Variants in PCCA observed in about 807,000 individuals in gnomAD.
The protein encoded by PCCA is propionyl-CoA carboxylase subunit alpha.
A neutral mutation model predicts 101.3 loss-of-function variants in PCCA; 74 were observed. The observed-to-expected ratio is 0.73, with a 90% CI of 0.61 to 0.89. The LOEUF (loss-of-function observed/expected upper bound fraction) is 0.89. PCCA is among the 40% of genes least tolerant of loss of function. PCCA has a pLI of 0.00. For missense variants in PCCA, 891 were observed against 907.0 expected (o/e 0.98, Z 0.23); for synonymous variants, 294 against 313.6 (o/e 0.94, Z 0.66).
chr13:100,517,157 G>A (rs926396722), intron 22 of PCCA, among the ~76,000 whole-genome samples: 6 of 151,892 alleles, frequency 4.0e-5, no homozygotes, highest in Admixed American at 1.3e-4. Context: ...GAGGGAGGGC[G>A]GGCAGGGATG....
intron 19 of PCCA, among the ~76,000 whole-genome samples, chr13:100,408,648 G>T (rs1414403348): frequency 6.6e-6 from 1 of 152,166 alleles, no homozygotes; most frequent in African/African-American, 2.4e-5. Context: ...TGGAACCAGA[G>T]AGGGCTCATC....
At chr13:100,102,799 A>T in intron 1 of PCCA, 84 bp from the exon 2 acceptor site, 1 of 881,504 alleles carries the variant, frequency 1.1e-6, no homozygotes, top group Non-Finnish European at 1.9e-6. Context: ...CGTTCGCTAG[A>T]ACCTAACTGG....
At chr13:100,428,323 G>GC (rs2079301490) in intron 20 of PCCA, among the ~76,000 whole-genome samples, 18 of 46,270 alleles carry the variant, frequency 3.9e-4, no homozygotes, top group African/African-American at 1.9e-3. Context: ...CCTCCTCCCC[G>GC]ACCCCCCCTA....
At chr13:100,485,942 C>T (rs930020984) in intron 21 of PCCA, among the ~76,000 whole-genome samples, 1 of 152,216 alleles carries the variant, frequency 6.6e-6, no homozygotes, top group African/African-American at 2.4e-5. Context: ...ACAGCAGCTC[C>T]CAGGTCTTAC....
chr13:100,177,823 A>G (rs978489879), intron 6 of PCCA, among the ~76,000 whole-genome samples: 1 of 152,208 alleles, frequency 6.6e-6, no homozygotes, highest in Non-Finnish European at 1.5e-5. Context: ...TTATGTTTCA[A>G]TTTTCTAGTT....
chr13:100,371,940 C>G (rs539390865), intron 19 of PCCA, among the ~76,000 whole-genome samples: 1 of 152,242 alleles, frequency 6.6e-6, no homozygotes, highest in Admixed American at 6.5e-5. Context: ...GAAAAGACAG[C>G]CTTTTCAACA....
intron 8 of PCCA, among the ~76,000 whole-genome samples, chr13:100,244,251 C>G (rs2061315884): frequency 1.3e-5 from 2 of 152,042 alleles, no homozygotes; most frequent in Admixed American, 1.3e-4. Flanking sequence ...TGCTGTTTTC[C>G]TATTATTGAA....
chr13:100,225,815 G>T (rs959394221), intron 7 of PCCA, among the ~76,000 whole-genome samples: 3 of 151,978 alleles, frequency 2.0e-5, no homozygotes, highest in Non-Finnish European at 4.4e-5. Flanking sequence ...TTGAGACGAA[G>T]AGTGTCGCTC....
chr13:100,260,570 G>A (rs1416769318), intron 9 of PCCA, among the ~76,000 whole-genome samples: 1 of 151,638 alleles, frequency 6.6e-6, no homozygotes, highest in Non-Finnish European at 1.5e-5. Context: ...CTAATTTTTT[G>A]TATTTTAGTA....
chr13:100,234,913 A>ACC (rs1319139171), intron 7 of PCCA, among the ~76,000 whole-genome samples: 9 of 150,190 alleles, frequency 6.0e-5, no homozygotes, highest in African/African-American at 2.0e-4. Flanking sequence ...ACACACACAC[A>ACC]CCCCACACAT....
chr13:100,491,606 G>C, intron 21 of PCCA: 1 of 1,270,472 alleles, frequency 7.9e-7, no homozygotes, highest in Non-Finnish European at 1.0e-6. Flanking sequence ...ACTCGGTTGT[G>C]AAATAATGGC....
At chr13:100,263,496 G>A (rs2062668435) in intron 10 of PCCA, among the ~76,000 whole-genome samples, 1 of 152,060 alleles carries the variant, frequency 6.6e-6, no homozygotes, top group East Asian at 1.9e-4. Flanking sequence ...GTTATTTGCT[G>A]ACCTTATATT....
intron 19 of PCCA, among the ~76,000 whole-genome samples, chr13:100,377,257 C>T (rs1323813465): frequency 6.6e-6 from 1 of 152,176 alleles, no homozygotes; most frequent in African/African-American, 2.4e-5. Context: ...TCCTGTTTGG[C>T]CATCTTGCCA....
chr13:100,234,892 AAC>A (rs370152898), intron 7 of PCCA, among the ~76,000 whole-genome samples: 20 of 95,160 alleles, frequency 2.1e-4, no homozygotes, highest in East Asian at 4.4e-4. Context: ...GAATTACACA[AAC>A]ACACACACAC....
intron 21 of PCCA, among the ~76,000 whole-genome samples, chr13:100,507,209 G>C (rs1387959661): frequency 9.9e-5 from 15 of 152,194 alleles, no homozygotes; most frequent in African/African-American, 3.4e-4. Context: ...ATTCTGTACA[G>C]TTCATTGTAA....
chr13:100,164,976 G>A (rs2054879112), intron 6 of PCCA, among the ~76,000 whole-genome samples: 1 of 152,136 alleles, frequency 6.6e-6, no homozygotes, highest in Admixed American at 6.5e-5. Flanking sequence ...ATTTCACTCA[G>A]CATAATATTT....
intron 14 of PCCA, among the ~76,000 whole-genome samples, 173 bp downstream of exon 14, chr13:100,303,171 AG>A (rs2066196937): frequency 6.6e-6 from 1 of 152,166 alleles, no homozygotes; most frequent in African/African-American, 2.4e-5. Context: ...GTGGTGTTCA[AG>A]AAAGTCAGGA....
chr13:100,344,831 A>G (rs190412690), intron 18 of PCCA, among the ~76,000 whole-genome samples: 5 of 152,170 alleles, frequency 3.3e-5, no homozygotes, highest in African/African-American at 4.8e-5. Context: ...TTCCAACAGC[A>G]TGTGTTCACT....
intron 7 of PCCA, among the ~76,000 whole-genome samples, chr13:100,225,369 T>G (rs2060089009): frequency 6.6e-6 from 1 of 152,202 alleles, no homozygotes; most frequent in Non-Finnish European, 1.5e-5. Context: ...TTCTAATTGT[T>G]CGTTAAGAGG....
Sources: allele counts gnomAD v4.1 joint callset (sites outside exome capture counted in the v4.1 genomes callset), GRCh38; gene constraint gnomAD v4.1.1; transcripts MANE v1.5; gene names NCBI Gene and HGNC (gene_info 2026-07-23, HGNC 2026-07-21).